The following GRM7 variants were observed in gnomAD, a reference collection of about 807,000 sequenced individuals.
GRM7 encodes metabotropic glutamate receptor 7.
In GRM7, 35 loss-of-function variants were observed where a neutral mutation model predicts 84.5. The observed-to-expected ratio is 0.41, with a 90% CI of 0.32 to 0.55. The LOEUF is 0.55. Ranked by LOEUF, GRM7 falls within the 20% of genes least tolerant of loss-of-function variation. GRM7 has a pLI of 0.19. For missense variants in GRM7, 1,003 were observed against 1,194.6 expected (o/e 0.84, Z 2.36); for synonymous variants, 487 against 455.1 (o/e 1.07, Z -0.89).
intron 2 of GRM7, among the ~76,000 whole-genome samples, chr3:7,167,012 C>G (rs1476495460): frequency 1.3e-5 from 2 of 152,058 alleles, no homozygotes; most frequent in Non-Finnish European, 2.9e-5. Flanking sequence ...CTCATTATAT[C>G]TCAAATGAGG....
intron 1 of GRM7, among the ~76,000 whole-genome samples, chr3:7,109,807 A>G (rs556401216): frequency 1.3e-5 from 2 of 152,172 alleles, no homozygotes; most frequent in South Asian, 4.1e-4. Flanking sequence ...CAGCAATACC[A>G]TTGCAAGTAA....
rs964763084 is a variant in GRM7 at position 7,130,498 on chromosome 3, G to A, written c.520-15954G>A. Among the ~76,000 whole-genome samples the A allele has an allele frequency of 2.0e-5, 3 of 150,524 alleles. No homozygotes were observed. In the East Asian group the frequency reaches 5.9e-4, roughly 30 times the overall value. On this transcript the variant is annotated intron_variant, in intron 1 of 9. Transcript: ENST00000357716. ...GTGGAGGTTGCAGGGAGCCGAGATC[G>A]CACCATTGCACTACAACCCCAGTGA... is the stretch of plus-strand genomic sequence containing the variant.
intron 4 of GRM7, among the ~76,000 whole-genome samples, chr3:7,337,926 T>A (rs1381137292): frequency 6.6e-6 from 1 of 151,766 alleles, no homozygotes. Flanking sequence ...GAAGAAGTCA[T>A]TATATGAAAA....
In GRM7 at chr3:7,369,178, C is replaced by T. The variant is rs115211847; in HGVS notation, c.1034-45845C>T. 6.8e-3 allele frequency among the ~76,000 whole-genome samples: 1,042 copies of T among 152,200 alleles called. 11 individuals carry two copies. Among genetic ancestry groups the T allele is most frequent in the African/African-American group, 0.023 (968 of 41,546 alleles). The stretch of plus-strand genomic sequence containing the variant: ...CAAGTGATCCTCCTGACACAGCCTC[C>T]GGAGTAGCCAGAACTACAGGTGCAT... On this transcript the variant is annotated intron_variant, in intron 4 of 9. Transcript: ENST00000357716.
chr3:7,181,009 C>A lies in GRM7; in HGVS notation c.736+34341C>A, dbSNP rs74973026. On this transcript the variant is annotated intron_variant, in intron 2 of 9. Coordinates refer to ENST00000357716, the MANE Select transcript of GRM7 (RefSeq NM_000844.4). ...TGCTCATTTTTGCAATAATGAGTTT[C>A]ATTCCACTAAATCTTGGCGACTTTT... Among the ~76,000 whole-genome samples, 22 of 152,256 alleles carry A rather than the reference C, an allele frequency of 1.4e-4. No homozygotes were observed. In the East Asian group the frequency reaches 3.9e-3, roughly 27 times the overall value.
intron 2 of GRM7, among the ~76,000 whole-genome samples, chr3:7,279,349 T>C (rs750490781): frequency 1.3e-4 from 20 of 152,082 alleles, no homozygotes; most frequent in Non-Finnish European, 2.6e-4. Context: ...ATTCCAAATA[T>C]AGAAAGTCCA....
At chr3:7,427,120 C>T (rs1000758275) in intron 5 of GRM7, among the ~76,000 whole-genome samples, 1 of 152,106 alleles carries the variant, frequency 6.6e-6, no homozygotes. Context: ...TTCCACAAGA[C>T]ACAAAAGGAA....
intron 1 of GRM7, among the ~76,000 whole-genome samples, chr3:6,906,247 C>G (rs889182655): frequency 6.6e-6 from 1 of 152,134 alleles, no homozygotes; most frequent in Admixed American, 6.6e-5. Context: ...TGGGTTCCAA[C>G]AGCAGCAAGA....
At chr3:7,246,755 A>G (rs1241542119) in intron 2 of GRM7, among the ~76,000 whole-genome samples, 1 of 152,126 alleles carries the variant, frequency 6.6e-6, no homozygotes, top group African/African-American at 2.4e-5. Context: ...ATTTAATGAA[A>G]TCTCCAGTCA....
chr3:6,898,839 GAAGA>G (rs1696284884), intron 1 of GRM7, among the ~76,000 whole-genome samples: 3 of 148,752 alleles, frequency 2.0e-5, no homozygotes, highest in Admixed American at 6.7e-5. Context: ...AAAAAAAAAT[GAAGA>G]AAGAAAAGAA....
At chr3:7,099,355 T>C (rs555786330) in intron 1 of GRM7, among the ~76,000 whole-genome samples, 1 of 147,198 alleles carries the variant, frequency 6.8e-6, no homozygotes, top group African/African-American at 2.5e-5. Flanking sequence ...TGTATATATG[T>C]ACACATGTAT....
At chr3:7,276,785 T>TCCCTCCCTCCCTCCCTC (rs1699077356) in intron 2 of GRM7, among the ~76,000 whole-genome samples, 1 of 62,756 alleles carries the variant, frequency 1.6e-5, no homozygotes. Context: ...CTTCCTTCCT[T>TCCCTCCCTCCCTCCCTC]CCTTCCTTCC....
chr3:7,294,557 A>G (rs548470825), intron 2 of GRM7, among the ~76,000 whole-genome samples: 231 of 96,824 alleles, frequency 2.4e-3, no homozygotes, highest in African/African-American at 0.013. Flanking sequence ...CCTTCCTAAG[A>G]GCTCCCTAAA....
chr3:7,557,880 G>A (rs375113969), intron 7 of GRM7, among the ~76,000 whole-genome samples: 5 of 152,110 alleles, frequency 3.3e-5, no homozygotes, highest in African/African-American at 1.2e-4. Context: ...CTTGGGGAGT[G>A]ACCCTCAGAA....
intron 1 of GRM7, among the ~76,000 whole-genome samples, chr3:7,059,779 C>T (rs1011825659): frequency 6.6e-6 from 1 of 151,778 alleles, no homozygotes; most frequent in Non-Finnish European, 1.5e-5. Flanking sequence ...TTACCTAACC[C>T]CTTCTGCCAT....
At chr3:7,072,878 G>C (rs1697935493) in intron 1 of GRM7, among the ~76,000 whole-genome samples, 1 of 152,110 alleles carries the variant, frequency 6.6e-6, no homozygotes, top group Non-Finnish European at 1.5e-5. Flanking sequence ...CTGTCTTTCT[G>C]AATCATAGCC....
At chr3:7,044,036 C>T (rs960833315) in intron 1 of GRM7, among the ~76,000 whole-genome samples, 1 of 152,224 alleles carries the variant, frequency 6.6e-6, no homozygotes, top group Admixed American at 6.5e-5. Context: ...TAGCTCATCA[C>T]TCAAAGCAGT....
At chr3:6,924,917 G>C (rs115814819) in intron 1 of GRM7, among the ~76,000 whole-genome samples, 1 of 152,068 alleles carries the variant, frequency 6.6e-6, no homozygotes. Context: ...ATTCTTTTGG[G>C]AGTCATGATA....
chr3:7,595,003 C>T (rs1695973458), intron 8 of GRM7, among the ~76,000 whole-genome samples: 1 of 151,930 alleles, frequency 6.6e-6, no homozygotes, highest in Non-Finnish European at 1.5e-5. Flanking sequence ...TTTTCTTATC[C>T]TATGTCCTCT....
Sources: allele counts gnomAD v4.1 joint callset (sites outside exome capture counted in the v4.1 genomes callset), GRCh38; gene constraint gnomAD v4.1.1; transcripts MANE v1.5; gene names NCBI Gene and HGNC (gene_info 2026-07-23, HGNC 2026-07-21).